ANO3: variants seen among roughly 807,000 people sequenced by gnomAD.
ANO3 encodes anoctamin-3.
A neutral mutation model predicts 144.8 loss-of-function variants in ANO3; 99 were observed. The ratio of observed to expected loss-of-function variants is 0.68; its 90% CI spans 0.58 to 0.81. The LOEUF (loss-of-function observed/expected upper bound fraction) is 0.81, where lower values mean the gene tolerates loss of function less well. Ranked by LOEUF, ANO3 falls within the 30% of genes least tolerant of loss-of-function variation. ANO3 has a pLI of 0.00. For missense variants in ANO3, 905 were observed against 1,202.2 expected (o/e 0.75, Z 3.66); for synonymous variants, 414 against 392.6 (o/e 1.05, Z -0.64).
At chr11:26,603,380 G>A (rs543505878) in intron 17 of ANO3, among the ~76,000 whole-genome samples, 228 of 151,730 alleles carry the variant, frequency 1.5e-3, no homozygotes, top group Non-Finnish European at 2.3e-3. Flanking sequence ...CTCTAGTAAA[G>A]GACAAACCTT....
intron 4 of ANO3, among the ~76,000 whole-genome samples, chr11:26,490,443 C>A (rs531414280): frequency 6.6e-6 from 1 of 152,266 alleles, no homozygotes; most frequent in East Asian, 1.9e-4. Context: ...GCCAAGAAGA[C>A]AATTTAACAA....
intron 1 of ANO3, among the ~76,000 whole-genome samples, chr11:26,218,535 C>G (rs1306784915): frequency 2.0e-5 from 3 of 152,046 alleles, no homozygotes; most frequent in Non-Finnish European, 4.4e-5. Flanking sequence ...ACTCCCTGGC[C>G]CTTTATGTCC....
intron 14 of ANO3, among the ~76,000 whole-genome samples, chr11:26,597,023 C>T (rs529611058): frequency 3.3e-5 from 5 of 152,310 alleles, no homozygotes; most frequent in South Asian, 4.1e-4. Context: ...CCACGCTAAT[C>T]GTTTTTAACT....
intron 9 of ANO3, among the ~76,000 whole-genome samples, chr11:26,536,101 C>T (rs997099843): frequency 7.4e-6 from 1 of 135,058 alleles, no homozygotes; most frequent in Admixed American, 8.1e-5. Flanking sequence ...GGCTCGATCA[C>T]CTGAGATCAG....
At chr11:26,501,360 A>C (rs2134124436) in intron 4 of ANO3, among the ~76,000 whole-genome samples, 1 of 152,292 alleles carries the variant, frequency 6.6e-6, no homozygotes, top group Non-Finnish European at 1.5e-5. Flanking sequence ...AAATCCAATA[A>C]AAAATAAAAA....
chr11:26,245,180 G>A (rs1852762506), intron 1 of ANO3, among the ~76,000 whole-genome samples: 1 of 152,008 alleles, frequency 6.6e-6, no homozygotes, highest in Admixed American at 6.6e-5. Context: ...ACCCTTCCTG[G>A]AACATTTTAT....
At chr11:26,468,379 A>G (rs1380060238) in intron 4 of ANO3, among the ~76,000 whole-genome samples, 1 of 151,980 alleles carries the variant, frequency 6.6e-6, no homozygotes, top group Non-Finnish European at 1.5e-5. Flanking sequence ...TTGAAAGGAT[A>G]TTGGGTATCA....
intron 1 of ANO3, among the ~76,000 whole-genome samples, chr11:26,365,950 TTC>T (rs1215242840): frequency 1.2e-4 from 16 of 137,674 alleles, no homozygotes; most frequent in African/African-American, 4.1e-4. Flanking sequence ...AAACCATTTT[TTC>T]TTTATATATA....
At position 26,478,582 on chromosome 11, in the gene ANO3, T is replaced by C. The variant is rs533041494; in HGVS notation, c.432+15434T>C. On this transcript the variant is annotated intron_variant, in intron 4 of 26. Coordinates refer to ENST00000256737, the MANE Select transcript of ANO3 (RefSeq NM_031418.4). ...CTGAGATGTTCTCCTAGAACTTATATAGGAAAAGATATTCCCCTCTCAGCT... is the reference window on the plus strand; with the variant it reads ...CTGAGATGTTCTCCTAGAACTTATACAGGAAAAGATATTCCCCTCTCAGCT... Among the ~76,000 whole-genome samples the C allele has an allele frequency of 9.2e-5, 14 of 152,254 alleles. 1 individual carries two copies. The South Asian group carries it at 2.5e-3, about 27-fold the overall frequency.
At chr11:26,251,070 A>G (rs912812522) in intron 1 of ANO3, among the ~76,000 whole-genome samples, 6 of 152,182 alleles carry the variant, frequency 3.9e-5, no homozygotes, top group African/African-American at 1.4e-4. Flanking sequence ...CCAGGAAAAT[A>G]ACAAAATTCA....
intron 20 of ANO3, 115 bp from the exon 21 acceptor site, chr11:26,639,029 A>G (rs1853058563): frequency 1.5e-6 from 1 of 649,298 alleles, no homozygotes; most frequent in Non-Finnish European, 2.7e-6. Context: ...TATTTTCTTT[A>G]TGCATGAGAT....
chr11:26,464,777 T>G (rs898726166), intron 4 of ANO3, among the ~76,000 whole-genome samples: 1 of 151,902 alleles, frequency 6.6e-6, no homozygotes, highest in Non-Finnish European at 1.5e-5. Context: ...ACCCTTCTCC[T>G]ATTATACTTC....
chr11:26,229,679 A>C (rs1852347174), intron 1 of ANO3, among the ~76,000 whole-genome samples: 1 of 152,090 alleles, frequency 6.6e-6, no homozygotes, highest in East Asian at 1.9e-4. Flanking sequence ...CTTCATCAGC[A>C]ACATTTCCTG....
chr11:26,243,703 G>T (rs990890270), intron 1 of ANO3, among the ~76,000 whole-genome samples: 1 of 152,128 alleles, frequency 6.6e-6, no homozygotes, highest in Non-Finnish European at 1.5e-5. Flanking sequence ...AATTCAAGAT[G>T]TTATGGAGGA....
intron 18 of ANO3, among the ~76,000 whole-genome samples, chr11:26,625,455 T>C (rs981295598): frequency 6.6e-6 from 1 of 152,214 alleles, no homozygotes; most frequent in Non-Finnish European, 1.5e-5. Flanking sequence ...AAGGTGGATA[T>C]ATCAGCATTT....
chr11:26,302,345 A>G (rs1199221505), intron 1 of ANO3, among the ~76,000 whole-genome samples: 1 of 152,124 alleles, frequency 6.6e-6, no homozygotes, highest in Admixed American at 6.5e-5. Flanking sequence ...AAATACAAAA[A>G]ATAGCTGGGC....
At chr11:26,407,088 ATATATG>A (rs1302437230) in intron 1 of ANO3, among the ~76,000 whole-genome samples, 1 of 143,258 alleles carries the variant, frequency 7.0e-6, no homozygotes, top group Non-Finnish European at 1.5e-5. Flanking sequence ...ATATATATAT[ATATATG>A]TATATATATG....
intron 1 of ANO3, among the ~76,000 whole-genome samples, chr11:26,301,593 A>G (rs751666474): frequency 2.0e-5 from 3 of 152,190 alleles, no homozygotes; most frequent in Admixed American, 1.3e-4. Context: ...CACTTCTGTC[A>G]TTCTATAAAC....
At chr11:26,499,803 A>T (rs1425569131) in intron 4 of ANO3, among the ~76,000 whole-genome samples, 1 of 151,936 alleles carries the variant, frequency 6.6e-6, no homozygotes, top group Non-Finnish European at 1.5e-5. Context: ...AGCTTTATTG[A>T]TATAAAATTT....
Sources: gnomAD v4.1 joint callset for allele counts (sites outside exome capture counted in the v4.1 genomes callset) on GRCh38, gnomAD v4.1.1 for gene constraint, MANE v1.5 for transcripts, NCBI Gene and HGNC (gene_info 2026-07-23, HGNC 2026-07-21) for gene names.